Variants in RYR1 observed in about 807,000 individuals in gnomAD.
RYR1 encodes central core disease of muscle.
A neutral mutation model predicts 583.5 loss-of-function variants in RYR1; 342 were observed. The ratio of observed to expected loss-of-function variants is 0.59; its 90% CI spans 0.54 to 0.64. The LOEUF is 0.64. Ranked by LOEUF, RYR1 falls within the 30% of genes least tolerant of loss-of-function variation. RYR1 has a pLI of 0.00. For synonymous variants in RYR1, 2,791 were observed against 2,822.5 expected, an observed-to-expected ratio of 0.99 and a Z score of 0.35; for missense variants, 6,032 against 6,917.2, an observed-to-expected ratio of 0.87 and a Z score of 4.54.
chr19:38,466,827 G>T (rs920065122), intron 24 of RYR1, among the ~76,000 whole-genome samples: 20 of 152,064 alleles, frequency 1.3e-4, no homozygotes, highest in Admixed American at 7.9e-4. Flanking sequence ...ATCACATCGA[G>T]CAGACTGACC....
rs760444444 is a variant in RYR1 at position 38,573,322 on chromosome 19, C to G, written c.14129+15C>G. ...CTCAACACGCCGTAAGGACCCAGCCCCCACCTCAGGGTGGCAGCAGGAGGG... is the reference window on the plus strand; with the variant it reads ...CTCAACACGCCGTAAGGACCCAGCCGCCACCTCAGGGTGGCAGCAGGAGGG... On this transcript the variant is annotated intron_variant, in intron 96 of 105. Transcript: ENST00000359596. 1.9e-6 allele frequency: 3 copies of G among 1,612,082 alleles called. No homozygotes were observed. The African/African-American group carries it at 4.0e-5, about 22-fold the overall frequency.
At chr19:38,470,672 G>A (rs1290874964) in intron 27 of RYR1, among the ~76,000 whole-genome samples, 1 of 152,150 alleles carries the variant, frequency 6.6e-6, no homozygotes, top group Non-Finnish European at 1.5e-5. Context: ...GAACCCAGGA[G>A]GTGGAGGTTG....
rs1974475039 is a variant in RYR1 at position 38,586,112 on chromosome 19, A to G, written c.14890A>G (p.Ile4964Val). The change falls in exon 104 of 106, where the codon ATC becomes GTC. Residue 4964 changes from isoleucine (I) to valine (V), a missense_variant. Transcript: ENST00000359596. ...ACAGACCAAGTGCTTCATCTGTGGAATCGGCAGTGACTACTTTGATACGAC... is the reference window on the plus strand; with the variant it reads ...ACAGACCAAGTGCTTCATCTGTGGAGTCGGCAGTGACTACTTTGATACGAC... ...DMETKCFICG[I>V]GSDYFDTTPH... 6.2e-7 allele frequency: 1 copy of G among 1,614,040 alleles called. No individual in the cohort carries two copies. Among genetic ancestry groups the G allele is most frequent in the Non-Finnish European group, 8.5e-7 (1 of 1,180,038 alleles).
intron 101 of RYR1, 80 bp downstream of exon 101, chr19:38,580,584 G>A: frequency 2.5e-6 from 4 of 1,569,218 alleles, no homozygotes; most frequent in Non-Finnish European, 2.6e-6. Context: ...TCCAGGCCGG[G>A]CGTGGTGCCT....
At chr19:38,559,578 G>C (rs551425268) in intron 89 of RYR1, among the ~76,000 whole-genome samples, 5 of 152,132 alleles carry the variant, frequency 3.3e-5, no homozygotes, top group Admixed American at 3.3e-4. Context: ...GCTCATGATA[G>C]AGGGGTAGGC....
intron 10 of RYR1, 22 bp from the exon 11 acceptor site, chr19:38,448,627 C>A: frequency 6.2e-7 from 1 of 1,614,188 alleles, no homozygotes; most frequent in Non-Finnish European, 8.5e-7. Flanking sequence ...AGGAGGCTGA[C>A]CTGTGTCCCC....
chr19:38,450,435 TCA>T (rs1967013697), intron 11 of RYR1, among the ~76,000 whole-genome samples: 1 of 152,068 alleles, frequency 6.6e-6, no homozygotes, highest in Non-Finnish European at 1.5e-5. Context: ...GTTTGTGGTC[TCA>T]CAGCCACAGA....
rs995552797 is a variant in RYR1 at position 38,509,430 on chromosome 19, GTAT to G, written c.8933-1048_8933-1046del. 7.7e-3 allele frequency among the ~76,000 whole-genome samples: 1,072 copies of G among 139,778 alleles called. 25 individuals are homozygous for G. Among genetic ancestry groups the G allele is most frequent in the Middle Eastern group, 0.03 (8 of 270 alleles). 91.7% of individuals were successfully genotyped at this position (139,778 alleles called of 152,430 possible). A position where few individuals can be genotyped will look rare whatever the true frequency, so the allele number is the denominator to read the frequency against. ...AGCAAGTGTTTAATAATTGGAGCCA[GTAT>G]TATTATTATTATTATTATTTTTTTT... On this transcript the variant is annotated intron_variant, in intron 58 of 105. Transcript: ENST00000359596.
At chr19:38,537,254 C>T (rs748200508) in intron 83 of RYR1, 2 of 227,386 alleles carry the variant, frequency 8.8e-6, no homozygotes, top group Non-Finnish European at 1.8e-5. Flanking sequence ...CCTGCCTCCT[C>T]TGTGCCTGCT....
At chr19:38,549,763 T>C (rs1972583432) in intron 89 of RYR1, among the ~76,000 whole-genome samples, 1 of 134,484 alleles carries the variant, frequency 7.4e-6, no homozygotes, top group South Asian at 2.4e-4. Context: ...TGGAGTGCAG[T>C]GGTGCAATCT....
intron 90 of RYR1, among the ~76,000 whole-genome samples, chr19:38,563,113 T>C (rs1452695600): frequency 1.3e-5 from 2 of 152,154 alleles, no homozygotes; most frequent in African/African-American, 4.8e-5. Context: ...GTGCTCCCCA[T>C]ACAAACACTC....
At chr19:38,497,816 A>G (rs914342571) in intron 42 of RYR1, among the ~76,000 whole-genome samples, 18 of 152,118 alleles carry the variant, frequency 1.2e-4, no homozygotes, top group Admixed American at 1.2e-3. Flanking sequence ...TCTACAAAAA[A>G]TACAAAAAGT....
intron 30 of RYR1, among the ~76,000 whole-genome samples, 197 bp from the exon 31 acceptor site, chr19:38,478,238 T>C (rs1243212294): frequency 1.3e-5 from 2 of 152,002 alleles, no homozygotes; most frequent in Non-Finnish European, 2.9e-5. Flanking sequence ...GACTCCCCAC[T>C]GCGCCAGCTG....
At chr19:38,455,994 CAG>C (rs1274821242) in intron 16 of RYR1, among the ~76,000 whole-genome samples, 11 of 121,224 alleles carry the variant, frequency 9.1e-5, no homozygotes, top group African/African-American at 3.8e-4. Context: ...TTTTTTGAGA[CAG>C]AGTCTCACAC....
intron 5 of RYR1, among the ~76,000 whole-genome samples, 155 bp downstream of exon 5, chr19:38,443,951 G>T (rs1972817396): frequency 6.6e-6 from 1 of 152,112 alleles, no homozygotes; most frequent in Non-Finnish European, 1.5e-5. Flanking sequence ...TCCAGACAGG[G>T]AGACAGACAC....
intron 28 of RYR1, among the ~76,000 whole-genome samples, 168 bp from the exon 29 acceptor site, chr19:38,475,150 C>G (rs1285648216): frequency 6.6e-6 from 1 of 152,140 alleles, no homozygotes; most frequent in African/African-American, 2.4e-5. Context: ...GAGCATAGCA[C>G]TTCTAGAATG....
chr19:38,526,850 T>C, intron 71 of RYR1, 143 bp from the exon 72 acceptor site: 1 of 795,714 alleles, frequency 1.3e-6, no homozygotes. Context: ...AACCTCTGCA[T>C]CCTTTTGTTT....
Position 38,565,032 on chromosome 19 carries a change from T to G in RYR1, c.12698T>G (p.Phe4233Cys). 1.3e-6 allele frequency: 2 copies of G among 1,584,878 alleles called. No individual in the cohort carries two copies. The highest frequency in any genetic ancestry group is 1.2e-5 in the South Asian group (1 of 86,536). ...EGGEAEKMEL[F>C]VSFCEDTIFE... Reference sequence around the variant, plus strand: ...GGCGAGGCTGAGAAGATGGAGCTCTTCGTGAGTTTCTGCGAGGACACCATC... The same window carrying G: ...GGCGAGGCTGAGAAGATGGAGCTCTGCGTGAGTTTCTGCGAGGACACCATC... Residue 4233 changes from phenylalanine to cysteine, a missense_variant, in exon 91 of 106, where the codon TTC (phenylalanine) becomes TGC (cysteine). By Grantham distance (205) the Phe-to-Cys change is radical (BLOSUM62 -2). This residue lies in a region of RYR1 where 753 missense variants were observed against 759.6 expected (regional missense o/e 0.99). Transcript: ENST00000359596. This position sits in a 1 kb window ranked among gnomAD's most constrained non-coding sequence, Gnocchi z 4.7.
Position 38,463,400 on chromosome 19 carries a change from C to G in RYR1, c.2578-23C>G, listed in dbSNP as rs2304149. The G allele has an allele frequency of 1.7e-3, 2,723 of 1,609,202 alleles. 71 individuals are homozygous for G. The East Asian group carries it at 0.049, about 29-fold the overall frequency. ...GGAGGGTAGAGGGACCTTGGGGTCT[C>G]AAGAACGTCCCTCTGCCTCTAGATT... On this transcript the variant is annotated intron_variant, in intron 20 of 105. Coordinates refer to ENST00000359596, the MANE Select transcript of RYR1 (RefSeq NM_000540.3).
Sources: allele counts gnomAD v4.1 joint callset (sites outside exome capture counted in the v4.1 genomes callset), GRCh38; gene constraint gnomAD v4.1.1; regional missense constraint gnomAD v4.1.1; non-coding constraint Gnocchi (gnomAD v3.1); transcripts MANE v1.5; gene names NCBI Gene and HGNC (gene_info 2026-07-23, HGNC 2026-07-21).